Variants in LRRC4C observed in about 807,000 individuals in gnomAD.
The protein encoded by LRRC4C is leucine-rich repeat-containing protein 4C.
Under a neutral mutation model 33.6 loss-of-function variants are expected in LRRC4C, and 5 were observed. The observed-to-expected ratio is 0.15, with a 90% CI of 0.08 to 0.31. The LOEUF (loss-of-function observed/expected upper bound fraction) is 0.31. Among genes scored for constraint, LRRC4C ranks in the 10% least tolerant of loss-of-function variants. The pLI, the probability that LRRC4C is intolerant of heterozygous loss-of-function variation, is 1.00. For synonymous variants in LRRC4C, 329 were observed against 302.0 expected (o/e 1.09, Z -0.93); for missense variants, 560 against 796.7 (o/e 0.70, Z 3.58).
intron 1 of LRRC4C, among the ~76,000 whole-genome samples, chr11:41,306,520 G>A (rs568789062): frequency 2.2e-4 from 34 of 152,312 alleles, no homozygotes; most frequent in East Asian, 9.6e-4. Flanking sequence ...TACACACTGC[G>A]CATATACTAC....
At chr11:41,365,771 A>C (rs1952512313) in intron 1 of LRRC4C, among the ~76,000 whole-genome samples, 1 of 152,214 alleles carries the variant, frequency 6.6e-6, no homozygotes, top group Admixed American at 6.5e-5. Context: ...ACAATGTGTG[A>C]GTTAATATAT....
intron 6 of LRRC4C, among the ~76,000 whole-genome samples, chr11:40,131,272 G>C (rs964657839): frequency 6.6e-6 from 1 of 152,090 alleles, no homozygotes. Context: ...ATAAAACTTA[G>C]TTTAAATGGC....
intron 2 of LRRC4C, among the ~76,000 whole-genome samples, chr11:40,859,687 A>G (rs975597605): frequency 6.6e-6 from 1 of 152,184 alleles, no homozygotes; most frequent in Non-Finnish European, 1.5e-5. Context: ...TCGCCAAAAG[A>G]TGGAAACAGC....
intron 1 of LRRC4C, among the ~76,000 whole-genome samples, chr11:41,379,749 G>C (rs967400953): frequency 4.0e-5 from 6 of 151,838 alleles, no homozygotes; most frequent in Admixed American, 3.3e-4. Context: ...GATGTTAGGG[G>C]TAAAAAAAGG....
chr11:40,565,252 A>G (rs1368508996), intron 3 of LRRC4C, among the ~76,000 whole-genome samples: 2 of 152,172 alleles, frequency 1.3e-5, no homozygotes, highest in African/African-American at 4.8e-5. Context: ...GTGCATCATA[A>G]GAGACAGACT....
chr11:40,447,582 A>T (rs1207049881), intron 3 of LRRC4C, among the ~76,000 whole-genome samples: 2 of 152,208 alleles, frequency 1.3e-5, no homozygotes, highest in Middle Eastern at 3.2e-3. Context: ...AATTGAGAAG[A>T]AAACATAAAG....
At chr11:40,729,257 T>C (rs1947443684) in intron 2 of LRRC4C, among the ~76,000 whole-genome samples, 1 of 152,228 alleles carries the variant, frequency 6.6e-6, no homozygotes, top group African/African-American at 2.4e-5. Flanking sequence ...CTAGCACATG[T>C]TGCAATGTCT....
chr11:40,713,568 T>C (rs1221345855), intron 2 of LRRC4C, among the ~76,000 whole-genome samples: 1 of 152,176 alleles, frequency 6.6e-6, no homozygotes, highest in Admixed American at 6.5e-5. Context: ...ATTATGAATA[T>C]TTACTTAAAA....
chr11:40,762,170 G>A (rs964003622), intron 2 of LRRC4C, among the ~76,000 whole-genome samples: 3 of 152,082 alleles, frequency 2.0e-5, no homozygotes, highest in Non-Finnish European at 4.4e-5. Flanking sequence ...AGAAATTCCT[G>A]CTGATGTAGG....
At chr11:40,678,871 G>T (rs1224553374) in intron 2 of LRRC4C, among the ~76,000 whole-genome samples, 2 of 152,092 alleles carry the variant, frequency 1.3e-5, no homozygotes, top group Non-Finnish European at 2.9e-5. Context: ...GGGTAGGGGG[G>T]TGCTACAATA....
chr11:41,176,913 T>C (rs1403167751), intron 1 of LRRC4C, among the ~76,000 whole-genome samples: 1 of 152,020 alleles, frequency 6.6e-6, no homozygotes, highest in Non-Finnish European at 1.5e-5. Context: ...TGCAGCGAGC[T>C]GAGATTGCGC....
rs752895656 is a variant in LRRC4C, at chr11:40,114,320, TA to T, written c.*49del. The T allele has an allele frequency of 6.6e-7, 1 of 1,507,912 alleles. No homozygotes were observed. The highest frequency in any genetic ancestry group is 8.9e-7 in the Non-Finnish European group (1 of 1,129,222). 93.4% of individuals were successfully genotyped at this position (1,507,912 alleles called of 1,614,324 possible). A position where few individuals can be genotyped will look rare whatever the true frequency, so the allele number is the denominator to read the frequency against. ...GCCCAGTCATTTGTGTCATTTTTAA[TA>T]AACTGTCTTTTTTTTTGATTGTTTG... is the stretch of plus-strand genomic sequence containing the variant. On this transcript the variant is annotated 3_prime_UTR_variant, in exon 7 of 7. Transcript: ENST00000528697.
chr11:40,231,837 T>G (rs1475989299), intron 5 of LRRC4C, among the ~76,000 whole-genome samples: 3 of 152,242 alleles, frequency 2.0e-5, no homozygotes, highest in Non-Finnish European at 4.4e-5. Context: ...TTCTCCTTAT[T>G]TAAACACTGA....
At chr11:40,902,293 T>C (rs116192011) in intron 2 of LRRC4C, among the ~76,000 whole-genome samples, 4 of 152,118 alleles carry the variant, frequency 2.6e-5, no homozygotes, top group Non-Finnish European at 5.9e-5. Context: ...TTTGGGGCAC[T>C]GTGAACACAC....
chr11:40,202,804 A>T (rs772300275), intron 5 of LRRC4C, among the ~76,000 whole-genome samples: 49 of 152,254 alleles, frequency 3.2e-4, no homozygotes, highest in Non-Finnish European at 6.0e-4. Flanking sequence ...TTTAACGGGG[A>T]AGCTGTTAGG....
intron 1 of LRRC4C, among the ~76,000 whole-genome samples, chr11:40,996,535 C>T (rs536095990): frequency 6.8e-4 from 104 of 152,088 alleles, no homozygotes; most frequent in South Asian, 1.7e-3. Context: ...TGGTACTATT[C>T]CTTGGATAGA....
chr11:41,439,398 G>T (rs2138510853), intron 1 of LRRC4C, among the ~76,000 whole-genome samples: 1 of 152,148 alleles, frequency 6.6e-6, no homozygotes, highest in African/African-American at 2.4e-5. Flanking sequence ...TTTAATAGTG[G>T]ACTTGCTGGA....
chr11:40,146,812 G>T (rs1857769193), intron 5 of LRRC4C, among the ~76,000 whole-genome samples: 1 of 152,124 alleles, frequency 6.6e-6, no homozygotes, highest in Non-Finnish European at 1.5e-5. Flanking sequence ...GTTGAATAAT[G>T]ACACCATGAG....
intron 2 of LRRC4C, among the ~76,000 whole-genome samples, chr11:40,896,174 A>C (rs775687145): frequency 1.6e-4 from 24 of 152,268 alleles, no homozygotes; most frequent in African/African-American, 4.1e-4. Context: ...TTTGCTTAGA[A>C]GTTTGATCAG....
Sources: gnomAD v4.1 joint callset for allele counts (sites outside exome capture counted in the v4.1 genomes callset) on GRCh38, gnomAD v4.1.1 for gene constraint, MANE v1.5 for transcripts, NCBI Gene and HGNC (gene_info 2026-07-23, HGNC 2026-07-21) for gene names.